WIPF1: variants seen among roughly 807,000 people sequenced by gnomAD.
WIPF1 encodes WAS/WASL-interacting protein family member 1.
Under a neutral mutation model 35.4 loss-of-function variants are expected in WIPF1, and 13 were observed. That is an observed-to-expected ratio of 0.37 (90% CI 0.24 to 0.58). The LOEUF is 0.58. Among genes scored for constraint, WIPF1 ranks in the 20% least tolerant of loss-of-function variants. The pLI is 0.74. For missense variants in WIPF1, 591 were observed against 667.0 expected (o/e 0.89, Z 1.25); for synonymous variants, 267 against 266.3 (o/e 1.00, Z -0.02).
intron 1 of WIPF1, among the ~76,000 whole-genome samples, chr2:174,591,704 A>ACACC (rs373727960): frequency 6.7e-6 from 1 of 150,094 alleles, no homozygotes; most frequent in African/African-American, 2.5e-5. Flanking sequence ...ACACACACAC[A>ACACC]CCACCCCAAC....
intron 1 of WIPF1, among the ~76,000 whole-genome samples, chr2:174,613,598 G>A (rs1686417903): frequency 6.6e-6 from 1 of 152,184 alleles, no homozygotes; most frequent in Admixed American, 6.5e-5. Flanking sequence ...GCTTTGAGAT[G>A]AAGTGCCTGG....
At chr2:174,646,877 AG>A (rs1247067926) in intron 1 of WIPF1, among the ~76,000 whole-genome samples, 1 of 152,216 alleles carries the variant, frequency 6.6e-6, no homozygotes, top group African/African-American at 2.4e-5. Context: ...CGCCTCCCAA[AG>A]TGCTGAAACT....
chr2:174,664,285 T>C (rs549542737), intron 1 of WIPF1, among the ~76,000 whole-genome samples: 5 of 152,036 alleles, frequency 3.3e-5, no homozygotes, highest in Non-Finnish European at 7.4e-5. Flanking sequence ...GCGCAGGGAG[T>C]GCGGAGGAGC....
intron 1 of WIPF1, among the ~76,000 whole-genome samples, chr2:174,662,322 G>A (rs566618566): frequency 7.9e-5 from 12 of 152,112 alleles, no homozygotes; most frequent in Non-Finnish European, 1.6e-4. Context: ...TTCTATCCTC[G>A]CTTGGCTGGA....
chr2:174,646,152 G>A (rs777425086), intron 1 of WIPF1, among the ~76,000 whole-genome samples: 2 of 152,172 alleles, frequency 1.3e-5, no homozygotes, highest in Non-Finnish European at 2.9e-5. Context: ...GGTGTCTCTC[G>A]TTATGGAGAT....
intron 1 of WIPF1, among the ~76,000 whole-genome samples, chr2:174,645,048 G>A (rs1687377130): frequency 2.0e-5 from 3 of 151,938 alleles, no homozygotes; most frequent in Non-Finnish European, 4.4e-5. Context: ...GAAGGAATAG[G>A]GATAAAGGTA....
chr2:174,669,049 G>C (rs965703078), intron 1 of WIPF1, among the ~76,000 whole-genome samples: 9 of 152,208 alleles, frequency 5.9e-5, no homozygotes, highest in African/African-American at 2.2e-4. Context: ...AGTTCATTCA[G>C]AGCATTTAGA....
chr2:174,584,066 T>G (rs903238495), intron 2 of WIPF1, among the ~76,000 whole-genome samples: 2 of 152,194 alleles, frequency 1.3e-5, no homozygotes, highest in African/African-American at 2.4e-5. Flanking sequence ...GGGCTCAAGT[T>G]ATCCTTCCAA....
chr2:174,639,651 C>T (rs574814380), intron 1 of WIPF1, among the ~76,000 whole-genome samples: 2 of 152,272 alleles, frequency 1.3e-5, no homozygotes, highest in East Asian at 3.9e-4. Context: ...TATTTTCTCC[C>T]ATTCGGTAGG....
intron 1 of WIPF1, among the ~76,000 whole-genome samples, chr2:174,603,597 A>G (rs187889504): frequency 2.6e-5 from 4 of 152,320 alleles, no homozygotes; most frequent in African/African-American, 7.2e-5. Flanking sequence ...TGTGTTGGCT[A>G]TTTCTTGTGT....
At chr2:174,662,122 T>C (rs1003901699) in intron 1 of WIPF1, among the ~76,000 whole-genome samples, 3 of 152,166 alleles carry the variant, frequency 2.0e-5, no homozygotes, top group Non-Finnish European at 4.4e-5. Flanking sequence ...GTCCCTTATA[T>C]GAAATGGTAC....
At chr2:174,579,383 A>T (rs887551726) in intron 3 of WIPF1, among the ~76,000 whole-genome samples, 3 of 152,176 alleles carry the variant, frequency 2.0e-5, no homozygotes, top group African/African-American at 7.2e-5. Flanking sequence ...CTTTCAGATT[A>T]TTTTTTCAGT....
At chr2:174,636,320 A>G (rs1001183651) in intron 1 of WIPF1, among the ~76,000 whole-genome samples, 3 of 152,006 alleles carry the variant, frequency 2.0e-5, no homozygotes, top group African/African-American at 7.2e-5. Flanking sequence ...GAAAATCCCT[A>G]ACCTGGCTTT....
rs572843341 is a variant in WIPF1 at position 174,571,179 on chromosome 2, A to G, written c.1129+497T>C. 1.3e-4 allele frequency: 26 copies of G among 204,608 alleles called. No homozygotes were observed. Among genetic ancestry groups the G allele is most frequent in the African/African-American group, 6.1e-4 (26 of 42,614 alleles). The allele number at this position is 204,608 out of a possible 1,614,324, so 12.7% of individuals were successfully genotyped here. A position where few individuals can be genotyped will look rare whatever the true frequency, so the allele number is the denominator to read the frequency against. ...ACAAAGAGCAAAATGGACTTTTTAA[A>G]CATTAGTCTTTAATGAATAGGGAAA... On this transcript the variant is annotated intron_variant, in intron 5 of 7. Transcript: ENST00000679041. The surrounding 1 kb of genome is among the most constrained non-coding windows in gnomAD (Gnocchi z 4.6).
intron 1 of WIPF1, among the ~76,000 whole-genome samples, chr2:174,681,751 G>C (rs548830925): frequency 2.6e-5 from 4 of 152,264 alleles, no homozygotes; most frequent in Non-Finnish European, 4.4e-5. Flanking sequence ...CAGTAAAAGG[G>C]ACCAAGTCCA....
intron 1 of WIPF1, among the ~76,000 whole-genome samples, chr2:174,604,373 T>C (rs1467483482): frequency 1.3e-5 from 2 of 152,220 alleles, no homozygotes; most frequent in African/African-American, 2.4e-5. Flanking sequence ...TGTTTCAACA[T>C]TTTTATGTAT....
chr2:174,607,349 G>A (rs1185012173), intron 1 of WIPF1, among the ~76,000 whole-genome samples: 1 of 152,080 alleles, frequency 6.6e-6, no homozygotes, highest in Non-Finnish European at 1.5e-5. Flanking sequence ...GTTGCAGTGA[G>A]CCGAGATCGC....
chr2:174,610,652 A>C (rs1176265207), intron 1 of WIPF1, among the ~76,000 whole-genome samples: 1 of 152,206 alleles, frequency 6.6e-6, no homozygotes, highest in Non-Finnish European at 1.5e-5. Context: ...AACAAAACTC[A>C]AGCTGGGTGC....
At chr2:174,653,020 A>T (rs1369031184) in intron 1 of WIPF1, among the ~76,000 whole-genome samples, 1 of 152,190 alleles carries the variant, frequency 6.6e-6, no homozygotes, top group African/African-American at 2.4e-5. Context: ...ACAAACATAT[A>T]ATGAGAATGT....
Sources: allele counts gnomAD v4.1 joint callset (sites outside exome capture counted in the v4.1 genomes callset), GRCh38; gene constraint gnomAD v4.1.1; non-coding constraint Gnocchi (gnomAD v3.1); transcripts MANE v1.5; gene names NCBI Gene and HGNC (gene_info 2026-07-23, HGNC 2026-07-21).